Variants in LEPR observed in about 807,000 individuals in gnomAD.
LEPR encodes the protein leptin receptor, also known as OB receptor.
Under a neutral mutation model 114.7 loss-of-function variants are expected in LEPR, and 56 were observed. That is an observed-to-expected ratio of 0.49 (90% confidence interval 0.39 to 0.61). The LOEUF (loss-of-function observed/expected upper bound fraction) is 0.61, where lower values mean the gene tolerates loss of function less well. Ranked by LOEUF, LEPR falls within the 20% of genes least tolerant of loss-of-function variation. The pLI, the probability that LEPR is intolerant of heterozygous loss-of-function variation, is 0.00. For missense variants in LEPR, 1,202 were observed against 1,352.9 expected, an observed-to-expected ratio of 0.89 and a Z score of 1.75; for synonymous variants, 443 against 461.4, an observed-to-expected ratio of 0.96 and a Z score of 0.51.
At chr1:65,612,387 T>G (rs1211507183) in intron 14 of LEPR, among the ~76,000 whole-genome samples, 1 of 152,218 alleles carries the variant, frequency 6.6e-6, no homozygotes, top group African/African-American at 2.4e-5. Flanking sequence ...CATCTGTAAT[T>G]TATTTCAAAT....
At chr1:65,564,549 G>C (rs1265260410) in intron 2 of LEPR, among the ~76,000 whole-genome samples, 1 of 91,782 alleles carries the variant, frequency 1.1e-5, no homozygotes, top group Non-Finnish European at 2.4e-5. Flanking sequence ...GACCGGAGCT[G>C]TTCCTATTCG....
At chr1:65,507,757 A>T (rs1648831840) in intron 2 of LEPR, among the ~76,000 whole-genome samples, 1 of 152,022 alleles carries the variant, frequency 6.6e-6, no homozygotes, top group Non-Finnish European at 1.5e-5. Context: ...CATATTTTTA[A>T]AACTTCATAC....
At chr1:65,434,674 G>T (rs55889533) in intron 2 of LEPR, 357,556 of 985,010 alleles carry the variant, frequency 0.36, 68,936 homozygotes, top group Non-Finnish European at 0.39. Flanking sequence ...CTAAGAACAA[G>T]GTCTTTCTCC....
At chr1:65,521,203 T>G (rs1190681440) in intron 2 of LEPR, among the ~76,000 whole-genome samples, 1 of 152,238 alleles carries the variant, frequency 6.6e-6, no homozygotes, top group Non-Finnish European at 1.5e-5. Flanking sequence ...TATTTTCACA[T>G]TGAAAATCAG....
At chr1:65,622,523 G>C (rs2101013135) in intron 18 of LEPR, among the ~76,000 whole-genome samples, 1 of 152,288 alleles carries the variant, frequency 6.6e-6, no homozygotes, top group African/African-American at 2.4e-5. Context: ...AAAAGAGAGA[G>C]AGGAGATTTT....
At chr1:65,623,100 T>G (rs1472753456) in intron 19 of LEPR, 119 bp downstream of exon 19, 2 of 959,526 alleles carry the variant, frequency 2.1e-6, no homozygotes, top group Non-Finnish European at 3.1e-6. Flanking sequence ...TCAATTCATC[T>G]TAATATATCT....
At chr1:65,422,125 C>T (rs535538569) in intron 1 of LEPR, among the ~76,000 whole-genome samples, 63 of 152,242 alleles carry the variant, frequency 4.1e-4, no homozygotes, top group African/African-American at 1.5e-3. Context: ...TCCCTGGTAC[C>T]TGTGAATGTG....
chr1:65,506,633 T>A (rs1648744315), intron 2 of LEPR, among the ~76,000 whole-genome samples: 1 of 152,206 alleles, frequency 6.6e-6, no homozygotes, highest in Non-Finnish European at 1.5e-5. Flanking sequence ...TGGGAACTTT[T>A]TTTTTCCTCC....
intron 2 of LEPR, among the ~76,000 whole-genome samples, chr1:65,458,140 G>T (rs966134202): frequency 3.3e-5 from 5 of 152,172 alleles, no homozygotes; most frequent in Non-Finnish European, 5.9e-5. Flanking sequence ...AAACATTTTT[G>T]AACTTAATTC....
chr1:65,619,900 T>A (rs1557700534), intron 16 of LEPR, 28 bp from the exon 17 acceptor site: 3 of 1,543,742 alleles, frequency 1.9e-6, no homozygotes, highest in Non-Finnish European at 9.0e-7. Context: ...TTTGTATAAA[T>A]GAGCCTTTTA....
chr1:65,463,367 G>C (rs891997387), intron 2 of LEPR, among the ~76,000 whole-genome samples: 1 of 152,160 alleles, frequency 6.6e-6, no homozygotes, highest in African/African-American at 2.4e-5. Context: ...CCTCTGTTCT[G>C]TTCCATTGAT....
rs1392858120 is a variant in LEPR at position 65,619,632 on chromosome 1, A to G, written c.2396-296A>G. ...AGGAAATGAAGGAAAGAAAAAGCTC[A>G]TACACCCTGCACTTGAACAAATTGG... On this transcript the variant is annotated intron_variant, in intron 16 of 19. Transcript: ENST00000349533. Among the ~76,000 whole-genome samples, 8 of 152,298 alleles carry G rather than the reference A, an allele frequency of 5.3e-5. No homozygotes were observed. The East Asian group carries it at 1.4e-3, about 26-fold the overall frequency.
At chr1:65,558,997 C>T (rs1653094806) in intron 2 of LEPR, among the ~76,000 whole-genome samples, 1 of 1,552 alleles carries the variant, frequency 6.4e-4, no homozygotes, top group Non-Finnish European at 1.4e-3. Flanking sequence ...GTGAATAATG[C>T]CGCAATAAAC....
chr1:65,463,820 T>C (rs1466809404), intron 2 of LEPR, among the ~76,000 whole-genome samples: 2 of 152,184 alleles, frequency 1.3e-5, no homozygotes, highest in African/African-American at 2.4e-5. Flanking sequence ...TTTGGCTCTC[T>C]GTGTGTCTAT....
intron 2 of LEPR, among the ~76,000 whole-genome samples, chr1:65,443,174 T>C (rs1322892534): frequency 1.3e-5 from 2 of 152,070 alleles, no homozygotes; most frequent in African/African-American, 4.8e-5. Flanking sequence ...TATACACTAT[T>C]AGAAAAAAAT....
At chr1:65,603,699 T>C (rs1253076033) in intron 10 of LEPR, among the ~76,000 whole-genome samples, 1 of 84,696 alleles carries the variant, frequency 1.2e-5, no homozygotes, top group Non-Finnish European at 2.4e-5. Flanking sequence ...TTGCAACTGG[T>C]TTTTTTTTTT....
intron 2 of LEPR, among the ~76,000 whole-genome samples, chr1:65,545,835 G>T (rs932338335): frequency 7.9e-5 from 12 of 151,692 alleles, no homozygotes; most frequent in Non-Finnish European, 1.5e-5. Context: ...GTCAATTTTG[G>T]CTTTTGTTGC....
intron 2 of LEPR, among the ~76,000 whole-genome samples, chr1:65,551,659 C>T (rs1163295107): frequency 6.6e-6 from 1 of 152,092 alleles, no homozygotes; most frequent in Non-Finnish European, 1.5e-5. Context: ...AAATCCAGCT[C>T]CTGGATTCAC....
rs1301838414 is a variant in LEPR, at chr1:65,610,090, T to A, written c.1896T>A (p.Val632=). The A allele has an allele frequency of 3.1e-6, 5 of 1,614,204 alleles. No individual in the cohort carries two copies. The highest frequency in any genetic ancestry group is 4.2e-6 in the Non-Finnish European group (5 of 1,180,016). ...WSNWSNPAYT[V]VMDIKVPMRG... ...ATTGGAGCAATCCAGCCTACACAGT[T>A]GTCATGGATATAAAAGGTCTGCAGA... is the stretch of plus-strand genomic sequence containing the variant. The change falls in exon 13 of 20, where the codon GTT becomes GTA. Residue 632 remains valine (V), a synonymous_variant. Transcript: ENST00000349533.
Sources: allele counts gnomAD v4.1 joint callset (sites outside exome capture counted in the v4.1 genomes callset), GRCh38; gene constraint gnomAD v4.1.1; transcripts MANE v1.5; gene names NCBI Gene and HGNC (gene_info 2026-07-23, HGNC 2026-07-21).